The following ABHD12 variants were observed in gnomAD, a reference collection of about 807,000 sequenced individuals.
ABHD12 encodes lysophosphatidylserine lipase ABHD12.
Under a neutral mutation model 58.3 loss-of-function variants are expected in ABHD12, and 43 were observed. That is an observed-to-expected ratio of 0.74 (90% confidence interval 0.58 to 0.95). The LOEUF is 0.95. ABHD12 is among the 40% of genes least tolerant of loss of function. The pLI, the probability that ABHD12 is intolerant of heterozygous loss-of-function variation, is 0.00. For synonymous variants in ABHD12, 219 were observed against 211.2 expected, an observed-to-expected ratio of 1.04 and a Z score of -0.32; for missense variants, 539 against 537.2, an observed-to-expected ratio of 1.00 and a Z score of -0.03.
At chr20:25,330,114 C>T (rs551330794) in intron 2 of ABHD12, among the ~76,000 whole-genome samples, 13 of 152,356 alleles carry the variant, frequency 8.5e-5, no homozygotes, top group East Asian at 3.9e-4. Flanking sequence ...GCGCACCGTG[C>T]GCAAGCCAAA....
intron 1 of ABHD12, chr20:25,368,394 G>A: frequency 6.3e-7 from 1 of 1,592,870 alleles, no homozygotes; most frequent in Admixed American, 1.7e-5. Flanking sequence ...CAGACCACAT[G>A]CTTGCCATCC....
chr20:25,316,161 CTTT>C (rs749358205), intron 5 of ABHD12, among the ~76,000 whole-genome samples: 1 of 150,626 alleles, frequency 6.6e-6, no homozygotes, highest in Non-Finnish European at 1.5e-5. Context: ...TTCTCTTTTC[CTTT>C]TTTTTTGTTT....
At chr20:25,295,713 G>T (rs202049746), downstream of ABHD12, 1 of 1,552,242 alleles carries the variant, frequency 6.4e-7, no homozygotes, top group East Asian at 2.2e-5. Context: ...AGCTGGGTGG[G>T]TCCATGTAGA....
At chr20:25,378,911 T>C (rs1477985652) in intron 1 of ABHD12, among the ~76,000 whole-genome samples, 5 of 151,838 alleles carry the variant, frequency 3.3e-5, no homozygotes, top group South Asian at 4.1e-4. Context: ...GACATTTTCT[T>C]ATCCGCTAAA....
downstream of ABHD12, chr20:25,297,697 G>T: frequency 6.6e-6 from 1 of 152,418 alleles, no homozygotes; most frequent in Non-Finnish European, 1.5e-5. Flanking sequence ...CTGTGGAATT[G>T]CCGAGAAATC....
intron 1 of ABHD12, among the ~76,000 whole-genome samples, chr20:25,383,472 T>C (rs1176979491): frequency 6.6e-6 from 1 of 152,140 alleles, no homozygotes; most frequent in Non-Finnish European, 1.5e-5. Context: ...ATTAGACCAG[T>C]CATGCCTTCA....
At chr20:25,384,967 A>ATG (rs890944202) in intron 1 of ABHD12, among the ~76,000 whole-genome samples, 7 of 151,972 alleles carry the variant, frequency 4.6e-5, no homozygotes, top group South Asian at 2.1e-4. Flanking sequence ...GTGTGTGTGT[A>ATG]TGTGTGTGTG....
intron 1 of ABHD12, among the ~76,000 whole-genome samples, chr20:25,351,012 C>T (rs1245847575): frequency 6.9e-6 from 1 of 145,862 alleles, no homozygotes; most frequent in East Asian, 2.1e-4. Context: ...CACACACACC[C>T]TTATTAAGCT....
chr20:25,322,152 C>CA (rs1423786544), intron 3 of ABHD12, among the ~76,000 whole-genome samples: 1 of 151,850 alleles, frequency 6.6e-6, no homozygotes, highest in East Asian at 1.9e-4. Context: ...TTCAGCTGTT[C>CA]AGAAGCACCA....
chr20:25,368,064 T>A (rs1342683868), intron 1 of ABHD12, among the ~76,000 whole-genome samples: 1 of 152,242 alleles, frequency 6.6e-6, no homozygotes, highest in Non-Finnish European at 1.5e-5. Flanking sequence ...CATTTACTAT[T>A]TTTTGTTATT....
At chr20:25,355,712 C>A (rs1244475884) in intron 1 of ABHD12, among the ~76,000 whole-genome samples, 1 of 152,154 alleles carries the variant, frequency 6.6e-6, no homozygotes, top group African/African-American at 2.4e-5. Flanking sequence ...GCACCCACCA[C>A]CATGCCCAGG....
chr20:25,335,380 A>G (rs1159278228), intron 2 of ABHD12, among the ~76,000 whole-genome samples: 3 of 149,704 alleles, frequency 2.0e-5, no homozygotes, highest in African/African-American at 5.0e-5. Context: ...TAGTTCAACC[A>G]TTGTGGAAGT....
chr20:25,311,175 T>C (rs1186005779), intron 6 of ABHD12, among the ~76,000 whole-genome samples: 1 of 152,194 alleles, frequency 6.6e-6, no homozygotes, highest in Non-Finnish European at 1.5e-5. Flanking sequence ...TTGGGTCACA[T>C]GGCTGGGGAA....
chr20:25,380,637 T>C (rs959192438), intron 1 of ABHD12, among the ~76,000 whole-genome samples: 7 of 152,134 alleles, frequency 4.6e-5, no homozygotes, highest in Non-Finnish European at 7.3e-5. Context: ...CCAAATCCAA[T>C]TGCAGATCAG....
intron 1 of ABHD12, among the ~76,000 whole-genome samples, chr20:25,377,926 G>A (rs2089979433): frequency 6.6e-6 from 1 of 152,176 alleles, no homozygotes; most frequent in Non-Finnish European, 1.5e-5. Context: ...TTGATCTCTT[G>A]ATCTCGTGTT....
intron 2 of ABHD12, among the ~76,000 whole-genome samples, chr20:25,337,139 G>T (rs2089385043): frequency 6.6e-6 from 1 of 152,142 alleles, no homozygotes; most frequent in Non-Finnish European, 1.5e-5. Flanking sequence ...GGTGGTGGGT[G>T]CCTGGAGTCC....
rs566712528 is a variant in ABHD12, at chr20:25,372,948, C to T, written c.191+17565G>A. ...TGCCCTATACTGTACTGTTTTTTAT[C>T]TTTTATATTGTATTTTCACTGTACC... On this transcript the variant is annotated intron_variant, in intron 1 of 12. Coordinates refer to ENST00000339157, the MANE Select transcript of ABHD12 (RefSeq NM_001042472.3). 2.0e-5 allele frequency among the ~76,000 whole-genome samples: 3 copies of T among 152,266 alleles called. No homozygotes were observed. In the East Asian group the frequency reaches 5.8e-4, roughly 29 times the overall value.
At chr20:25,343,293 AC>A (rs1272558318) in intron 1 of ABHD12, among the ~76,000 whole-genome samples, 2 of 152,252 alleles carry the variant, frequency 1.3e-5, no homozygotes, top group Non-Finnish European at 2.9e-5. Flanking sequence ...GGAAGAAATT[AC>A]ACCAATTATC....
intron 1 of ABHD12, among the ~76,000 whole-genome samples, chr20:25,377,656 C>T (rs2089976658): frequency 6.6e-6 from 1 of 152,168 alleles, no homozygotes; most frequent in Admixed American, 6.5e-5. Flanking sequence ...GAGAGCAAAG[C>T]CCTCATGACC....
Sources: allele counts gnomAD v4.1 joint callset (sites outside exome capture counted in the v4.1 genomes callset), GRCh38; gene constraint gnomAD v4.1.1; transcripts MANE v1.5; gene names NCBI Gene and HGNC (gene_info 2026-07-23, HGNC 2026-07-21).